ADCK1: variants seen among roughly 807,000 people sequenced by gnomAD.
The protein encoded by ADCK1 is aarF domain containing kinase 1, also known as aarF domain-containing protein kinase 1.
In ADCK1, 41 loss-of-function variants were observed where a neutral mutation model predicts 52.3. The observed-to-expected ratio is 0.78, with a 90% CI of 0.61 to 1.02. The LOEUF (loss-of-function observed/expected upper bound fraction) is 1.02. Ranked by LOEUF, ADCK1 falls within the 50% of genes least tolerant of loss-of-function variation. ADCK1 has a pLI of 0.00. For missense variants in ADCK1, 658 were observed against 679.5 expected (o/e 0.97, Z 0.35); for synonymous variants, 250 against 274.6 (o/e 0.91, Z 0.89).
At chr14:77,872,583 G>C (rs554041342) in intron 4 of ADCK1, among the ~76,000 whole-genome samples, 35 of 152,102 alleles carry the variant, frequency 2.3e-4, no homozygotes, top group Admixed American at 5.2e-4. Context: ...GGCTGGCCTT[G>C]GGGGGAGAGT....
At chr14:77,832,328 G>A (rs932600853) in intron 3 of ADCK1, among the ~76,000 whole-genome samples, 11 of 152,304 alleles carry the variant, frequency 7.2e-5, no homozygotes, top group African/African-American at 2.4e-4. Flanking sequence ...AGCACATCAT[G>A]AACTTGATCT....
intron 3 of ADCK1, among the ~76,000 whole-genome samples, chr14:77,835,356 ACTT>A (rs1195477826): frequency 6.6e-6 from 1 of 152,246 alleles, no homozygotes; most frequent in Admixed American, 6.5e-5. Context: ...GCCTATGGGT[ACTT>A]CTTTCCTGAC....
intron 3 of ADCK1, among the ~76,000 whole-genome samples, chr14:77,824,557 C>T (rs1369525454): frequency 6.6e-6 from 1 of 151,750 alleles, no homozygotes; most frequent in Non-Finnish European, 1.5e-5. Context: ...CCTCAGCCTC[C>T]CTAGTAGATG....
intron 4 of ADCK1, among the ~76,000 whole-genome samples, chr14:77,861,707 G>A (rs1329357349): frequency 2.0e-5 from 3 of 152,322 alleles, no homozygotes; most frequent in Admixed American, 6.5e-5. Context: ...TGTAGAGAGC[G>A]GTGGTGTGGT....
chr14:77,835,240 A>G (rs529052971), intron 3 of ADCK1, among the ~76,000 whole-genome samples: 1 of 152,332 alleles, frequency 6.6e-6, no homozygotes, highest in South Asian at 2.1e-4. Context: ...TATTTTAAAA[A>G]ATGCGAAATA....
chr14:77,885,840 A>G (rs2083134942), intron 4 of ADCK1, among the ~76,000 whole-genome samples: 1 of 152,240 alleles, frequency 6.6e-6, no homozygotes, highest in Non-Finnish European at 1.5e-5. Flanking sequence ...TTAGGATTTC[A>G]GCCTTGGCCA....
chr14:77,842,476 C>A (rs1177866878), intron 3 of ADCK1, among the ~76,000 whole-genome samples: 1 of 138,266 alleles, frequency 7.2e-6, no homozygotes, highest in African/African-American at 2.7e-5. Flanking sequence ...TCCTTCCTTC[C>A]TTCCTTCCTT....
intron 7 of ADCK1, among the ~76,000 whole-genome samples, chr14:77,913,664 G>A (rs1240319872): frequency 6.6e-6 from 1 of 152,198 alleles, no homozygotes; most frequent in Non-Finnish European, 1.5e-5. Flanking sequence ...AGATCCTGCC[G>A]AGGCTGAGGT....
chr14:77,867,794 A>G (rs751212837), intron 4 of ADCK1, among the ~76,000 whole-genome samples: 3 of 152,252 alleles, frequency 2.0e-5, no homozygotes, highest in South Asian at 4.1e-4. Flanking sequence ...ACCATGTTCT[A>G]TGTCATCCTG....
chr14:77,823,571 T>TATTA (rs2081627345), intron 3 of ADCK1, among the ~76,000 whole-genome samples: 1 of 137,608 alleles, frequency 7.3e-6, no homozygotes, highest in Admixed American at 7.5e-5. Flanking sequence ...TTTATTTATT[T>TATTA]ATTTATTTAT....
chr14:77,851,188 G>A (rs1222646372), intron 3 of ADCK1, among the ~76,000 whole-genome samples: 3 of 151,388 alleles, frequency 2.0e-5, no homozygotes, highest in Non-Finnish European at 4.4e-5. Flanking sequence ...CACAATCTTG[G>A]CTCACTACAA....
chr14:77,833,300 G>GGCA (rs1671553521), intron 3 of ADCK1, among the ~76,000 whole-genome samples: 1 of 152,186 alleles, frequency 6.6e-6, no homozygotes, highest in African/African-American at 2.4e-5. Context: ...CTGTCGACCT[G>GGCA]TCATGGAATC....
At chr14:77,830,208 G>A (rs11847125) in intron 3 of ADCK1, among the ~76,000 whole-genome samples, 16,599 of 150,566 alleles carry the variant, frequency 0.11, 1,458 homozygotes, top group Non-Finnish European at 0.12. Flanking sequence ...TGCGATCTCC[G>A]CTCACGGCAA....
intron 3 of ADCK1, among the ~76,000 whole-genome samples, chr14:77,847,717 C>A (rs2140105951): frequency 6.6e-6 from 1 of 152,374 alleles, no homozygotes; most frequent in Admixed American, 6.5e-5. Flanking sequence ...TTGGGCTGCA[C>A]AGTCCTCTAG....
chr14:77,859,151 C>T lies in ADCK1; in HGVS notation c.295C>T (p.His99Tyr). Residue 99 changes from histidine to tyrosine, a missense_variant, in exon 4 of 11, where the codon CAC becomes TAC. By Grantham distance (83) the His-to-Tyr change is moderately conservative. Transcript: ENST00000238561. ...GGGCACCTTCATCAAGGTGGGCCAG[C>T]ACCTGGGGGCTCTGGACTACCTGTT... is the stretch of plus-strand genomic sequence containing the variant. Reference protein sequence around the residue: ...NRGTFIKVGQHLGALDYLLPE... With the variant: ...NRGTFIKVGQYLGALDYLLPE... 6.2e-7 allele frequency: 1 copy of T among 1,613,804 alleles called. No individual in the cohort carries two copies.
rs142759575 is a variant in ADCK1 at position 77,802,388 on chromosome 14, A to G, written c.-12+2218A>G. Among the ~76,000 whole-genome samples the G allele has an allele frequency of 1.9e-4, 29 of 151,806 alleles. 1 individual carries two copies. The East Asian group carries it at 5.7e-3, about 30-fold the overall frequency. The stretch of plus-strand genomic sequence containing the variant: ...AGGATGGACTGAATGGAGGATTTCT[A>G]TTCCTTGCCTGGGTGAGAATTATTT... On this transcript the variant is annotated intron_variant, in intron 1 of 10. Coordinates refer to ENST00000238561, the MANE Select transcript of ADCK1 (RefSeq NM_020421.4).
intron 6 of ADCK1, 138 bp downstream of exon 6, chr14:77,899,396 C>A: frequency 1.7e-6 from 2 of 1,172,256 alleles, no homozygotes; most frequent in Non-Finnish European, 2.4e-6. Flanking sequence ...GGATGAATGA[C>A]ATCACTGGTG....
chr14:77,846,407 G>A (rs142573177), intron 3 of ADCK1, among the ~76,000 whole-genome samples: 17 of 152,306 alleles, frequency 1.1e-4, no homozygotes, highest in African/African-American at 4.1e-4. Flanking sequence ...GGGGGACCCA[G>A]GGAAGCCTTG....
At chr14:77,883,578 C>G (rs2083081481) in intron 4 of ADCK1, among the ~76,000 whole-genome samples, 1 of 152,148 alleles carries the variant, frequency 6.6e-6, no homozygotes, top group Non-Finnish European at 1.5e-5. Flanking sequence ...CAGCTAGGAA[C>G]ATCCACTAGC....
Sources: gnomAD v4.1 joint callset for allele counts (sites outside exome capture counted in the v4.1 genomes callset) on GRCh38, gnomAD v4.1.1 for gene constraint, MANE v1.5 for transcripts, NCBI Gene and HGNC (gene_info 2026-07-23, HGNC 2026-07-21) for gene names.